Variants in CREM observed in about 807,000 individuals in gnomAD.
CREM encodes cAMP responsive element modulator.
Under a neutral mutation model 37.3 loss-of-function variants are expected in CREM, and 13 were observed. The observed-to-expected ratio is 0.35, with a 90% CI of 0.23 to 0.55. The LOEUF is 0.55. CREM is among the 20% of genes least tolerant of loss of function. The pLI, the probability that CREM is intolerant of heterozygous loss-of-function variation, is 0.88. For missense variants in CREM, 296 were observed against 362.3 expected (o/e 0.82, Z 1.49); for synonymous variants, 124 against 120.2 (o/e 1.03, Z -0.21).
intron 2 of CREM, among the ~76,000 whole-genome samples, chr10:35,146,829 G>GCATTCCAAAGA (rs1452776112): frequency 6.6e-6 from 1 of 152,134 alleles, no homozygotes; most frequent in Non-Finnish European, 1.5e-5. Flanking sequence ...AATGCAAAAG[G>GCATTCCAAAGA]CAGTAGGAAG....
intron 3 of CREM, among the ~76,000 whole-genome samples, chr10:35,159,052 A>G (rs1488105696): frequency 3.3e-5 from 5 of 152,022 alleles, no homozygotes; most frequent in Non-Finnish European, 5.9e-5. Context: ...TCAGGGCTTT[A>G]TCTATGAAAA....
At chr10:35,196,980 C>T (rs562802611) in intron 6 of CREM, among the ~76,000 whole-genome samples, 64 of 150,826 alleles carry the variant, frequency 4.2e-4, no homozygotes, top group Admixed American at 1.7e-3. Flanking sequence ...CGCCATTCTC[C>T]TGCCTCAGCC....
chr10:35,175,917 C>T (rs919877736), intron 3 of CREM: 25 of 1,552,522 alleles, frequency 1.6e-5, no homozygotes, highest in Admixed American at 9.8e-5. Context: ...CAGTTACCTT[C>T]GGGCCAAACT....
chr10:35,136,666 A>AG (rs1463450755), intron 1 of CREM, among the ~76,000 whole-genome samples: 4 of 152,172 alleles, frequency 2.6e-5, no homozygotes, highest in African/African-American at 9.7e-5. Flanking sequence ...AAGAACCCTT[A>AG]GGAGGGAACT....
intron 1 of CREM, among the ~76,000 whole-genome samples, chr10:35,129,071 T>A (rs1490059806): frequency 1.3e-5 from 2 of 152,230 alleles, no homozygotes; most frequent in Non-Finnish European, 2.9e-5. Context: ...TAAAGCATTG[T>A]CAGTATTCAC....
chr10:35,193,748 C>G (rs1462491448), intron 6 of CREM, among the ~76,000 whole-genome samples: 1 of 152,060 alleles, frequency 6.6e-6, no homozygotes, highest in Non-Finnish European at 1.5e-5. Flanking sequence ...TTAAATACAG[C>G]TAAAATGTGG....
At chr10:35,129,770 A>G (rs1329765905) in intron 1 of CREM, among the ~76,000 whole-genome samples, 1 of 152,262 alleles carries the variant, frequency 6.6e-6, no homozygotes, top group Non-Finnish European at 1.5e-5. Flanking sequence ...TGATAAGGAA[A>G]TAAGCCTGAA....
chr10:35,160,014 C>CT (rs994754206), intron 3 of CREM, among the ~76,000 whole-genome samples: 14 of 149,544 alleles, frequency 9.4e-5, no homozygotes, highest in Admixed American at 2.0e-4. Context: ...GCAATTTCAT[C>CT]TTTTTTTTTT....
intron 3 of CREM, among the ~76,000 whole-genome samples, chr10:35,168,294 A>G (rs1248457384): frequency 6.6e-6 from 1 of 152,192 alleles, no homozygotes; most frequent in East Asian, 1.9e-4. Context: ...TCGCCATTCT[A>G]ACTGGTGTGA....
intron 3 of CREM, chr10:35,175,676 C>T (rs374023956): frequency 1.2e-6 from 2 of 1,613,898 alleles, no homozygotes; most frequent in Non-Finnish European, 1.7e-6. Flanking sequence ...CAGAAAATGA[C>T]TGTTCCAGGA....
intron 3 of CREM, among the ~76,000 whole-genome samples, chr10:35,167,149 G>A (rs1644020187): frequency 6.6e-6 from 1 of 151,652 alleles, no homozygotes; most frequent in Non-Finnish European, 1.5e-5. Context: ...TCAGTGGGGG[G>A]AAAAAAAATT....
chr10:35,196,924 C>G (rs1260167538), intron 6 of CREM, among the ~76,000 whole-genome samples: 1 of 130,512 alleles, frequency 7.7e-6, no homozygotes, highest in Non-Finnish European at 1.5e-5. Flanking sequence ...GGCTGGAGTG[C>G]AGTGGCGCGA....
intron 2 of CREM, among the ~76,000 whole-genome samples, chr10:35,147,645 C>T (rs962737085): frequency 1.3e-5 from 2 of 152,082 alleles, no homozygotes; most frequent in Non-Finnish European, 2.9e-5. Flanking sequence ...TTCACACTAC[C>T]TCATAACATA....
intron 3 of CREM, among the ~76,000 whole-genome samples, chr10:35,150,227 CT>C (rs1022991866): frequency 6.6e-6 from 1 of 151,930 alleles, no homozygotes; most frequent in Non-Finnish European, 1.5e-5. Context: ...CAAGTTCTCA[CT>C]ATATTGCCCA....
intron 3 of CREM, chr10:35,176,144 C>A (rs918643699): frequency 1.6e-6 from 2 of 1,231,846 alleles, no homozygotes; most frequent in South Asian, 3.2e-5. Flanking sequence ...CTTCTCCTTG[C>A]GTAAGGTGCT....
Position 35,157,234 on chromosome 10 carries a change from G to A in CREM, c.168+8743G>A, listed in dbSNP as rs142970110. On this transcript the variant is annotated intron_variant, in intron 3 of 7. Coordinates refer to ENST00000685392, the MANE Select transcript of CREM (RefSeq NM_183011.2). ...ACTCTCAACAAATTACATAAAGAAGGGATGTACCTCAGTGCAACAAAGGCA... is the reference window on the plus strand; with the variant it reads ...ACTCTCAACAAATTACATAAAGAAGAGATGTACCTCAGTGCAACAAAGGCA... Among the ~76,000 whole-genome samples, 524 of 152,022 alleles carry A rather than the reference G, an allele frequency of 3.4e-3. 1 individual carries two copies. Among genetic ancestry groups the A allele is most frequent in the Middle Eastern group, 0.02 (6 of 294 alleles).
intron 6 of CREM, among the ~76,000 whole-genome samples, chr10:35,189,499 T>A (rs2094814719): frequency 6.6e-6 from 1 of 152,070 alleles, no homozygotes; most frequent in Admixed American, 6.6e-5. Context: ...CTTGTTTGTT[T>A]GTTTGTTTAT....
intron 3 of CREM, among the ~76,000 whole-genome samples, chr10:35,173,983 C>T (rs11010113): frequency 0.03 from 4,565 of 152,138 alleles, 231 homozygotes; most frequent in African/African-American, 0.1. Flanking sequence ...CCTTTTGTGC[C>T]GGAAACATTT....
Position 35,175,803 on chromosome 10 carries a change from A to G in CREM, c.169-3086A>G, listed in dbSNP as rs781048644. 69 of 1,612,630 alleles carry G rather than the reference A, an allele frequency of 4.3e-5. No individual in the cohort carries two copies. In the Admixed American group the frequency reaches 1.2e-3, roughly 27 times the overall value. ...GGTATTACTTAAAAATAGCAAAAAC[A>G]ATAACAAAAAAGGTCCAGCTTTAAT... On this transcript the variant is annotated intron_variant, in intron 3 of 7. Coordinates refer to ENST00000685392, the MANE Select transcript of CREM (RefSeq NM_183011.2).
Sources: gnomAD v4.1 joint callset for allele counts (sites outside exome capture counted in the v4.1 genomes callset) on GRCh38, gnomAD v4.1.1 for gene constraint, MANE v1.5 for transcripts, NCBI Gene and HGNC (gene_info 2026-07-23, HGNC 2026-07-21) for gene names.